The following SPATS2 variants were observed in gnomAD, a reference collection of about 807,000 sequenced individuals.
SPATS2 encodes spermatogenesis-associated serine-rich protein 2.
SPATS2 carries 38 observed loss-of-function variants against 63.7 expected under a neutral mutation model. The ratio of observed to expected loss-of-function variants is 0.60; its 90% CI spans 0.46 to 0.78. The LOEUF (loss-of-function observed/expected upper bound fraction) is 0.78, where lower values mean the gene tolerates loss of function less well. Among genes scored for constraint, SPATS2 ranks in the 30% least tolerant of loss-of-function variants. The pLI, the probability that SPATS2 is intolerant of heterozygous loss-of-function variation, is 0.00. For missense variants in SPATS2, 588 were observed against 666.2 expected (o/e 0.88, Z 1.29); for synonymous variants, 207 against 232.9 (o/e 0.89, Z 1.01).
At chr12:49,390,043 G>C in intron 2 of SPATS2, 1 of 987,692 alleles carries the variant, frequency 1.0e-6, no homozygotes, top group Non-Finnish European at 1.6e-6. Flanking sequence ...AAACAAAGGC[G>C]TTAGAGAGAT....
chr12:49,490,632 C>A, intron 5 of SPATS2, 50 bp from the exon 6 acceptor site: 1 of 1,538,990 alleles, frequency 6.5e-7, no homozygotes, highest in Non-Finnish European at 9.0e-7. Flanking sequence ...TCCTGCTTGA[C>A]TACTGTGTGT....
chr12:49,459,323 C>CATT (rs1356112991), intron 2 of SPATS2, among the ~76,000 whole-genome samples: 6 of 151,614 alleles, frequency 4.0e-5, no homozygotes, highest in South Asian at 2.1e-4. Context: ...CTTGCAAGAC[C>CATT]ATTATTATTA....
chr12:49,438,916 A>C (rs183209570), intron 2 of SPATS2, among the ~76,000 whole-genome samples: 174 of 152,308 alleles, frequency 1.1e-3, no homozygotes, highest in African/African-American at 4.0e-3. Flanking sequence ...GTCCTCATGG[A>C]GTCCAAGTTC....
At chr12:49,410,425 G>C (rs1252439305) in intron 2 of SPATS2, among the ~76,000 whole-genome samples, 1 of 152,096 alleles carries the variant, frequency 6.6e-6, no homozygotes, top group Admixed American at 6.6e-5. Flanking sequence ...AAAAAAAGTT[G>C]AATATACCCT....
chr12:49,427,074 T>A (rs963255438), intron 2 of SPATS2, among the ~76,000 whole-genome samples: 9 of 152,162 alleles, frequency 5.9e-5, no homozygotes, highest in Non-Finnish European at 1.2e-4. Flanking sequence ...TAAACAGATT[T>A]TTATACTCCC....
rs1002196971 is a variant in SPATS2 at position 49,526,652 on chromosome 12, T to G, written c.*397T>G. 18 of 188,298 alleles carry G rather than the reference T, an allele frequency of 9.6e-5. No homozygotes were observed. Among genetic ancestry groups the G allele is most frequent in the African/African-American group, 1.4e-4 (6 of 42,186 alleles). The allele number at this position is 188,298 out of a possible 1,614,324, so 11.7% of individuals were successfully genotyped here. Reference sequence around the variant, plus strand: ...CTGACAGGTTCCCTTCTAACAACTATTTGACCAAGAGAGGCAATCAGGGGG... The same window carrying G: ...CTGACAGGTTCCCTTCTAACAACTAGTTGACCAAGAGAGGCAATCAGGGGG... On this transcript the variant is annotated 3_prime_UTR_variant, in exon 14 of 14. Coordinates refer to ENST00000552918, the MANE Select transcript of SPATS2 (RefSeq NM_023071.4).
At chr12:49,450,923 C>T (rs1019892668) in intron 2 of SPATS2, among the ~76,000 whole-genome samples, 1 of 151,448 alleles carries the variant, frequency 6.6e-6, no homozygotes, top group African/African-American at 2.4e-5. Context: ...GGCTAGAGTG[C>T]AGTTACACGA....
At chr12:49,491,524 A>G (rs1436531598) in intron 6 of SPATS2, among the ~76,000 whole-genome samples, 1 of 152,088 alleles carries the variant, frequency 6.6e-6, no homozygotes, top group Non-Finnish European at 1.5e-5. Flanking sequence ...AGTCTGGGCA[A>G]CATGATGAAA....
At chr12:49,389,694 C>T (rs1203329657) in intron 2 of SPATS2, 2 of 1,542,066 alleles carry the variant, frequency 1.3e-6, no homozygotes, top group Admixed American at 1.7e-5. Flanking sequence ...GCAAGAACAT[C>T]GGCCACGGTC....
At chr12:49,524,353 G>C (rs1369919987) in intron 12 of SPATS2, among the ~76,000 whole-genome samples, 1 of 152,092 alleles carries the variant, frequency 6.6e-6, no homozygotes, top group African/African-American at 2.4e-5. Flanking sequence ...TTGTTCCCAG[G>C]CTTAGTCAGC....
chr12:49,473,071 A>T (rs968454124), intron 3 of SPATS2, among the ~76,000 whole-genome samples: 2 of 151,348 alleles, frequency 1.3e-5, no homozygotes, highest in African/African-American at 4.8e-5. Context: ...AAAAGACAAC[A>T]ACAACCACAA....
At chr12:49,489,763 T>G (rs1946353558) in intron 5 of SPATS2, among the ~76,000 whole-genome samples, 190 bp downstream of exon 5, 1 of 152,230 alleles carries the variant, frequency 6.6e-6, no homozygotes, top group Non-Finnish European at 1.5e-5. Flanking sequence ...TAATAAGAGA[T>G]AAGCTGAGAA....
chr12:49,368,685 A>G (rs1466470288), intron 1 of SPATS2, among the ~76,000 whole-genome samples: 1 of 152,178 alleles, frequency 6.6e-6, no homozygotes, highest in Non-Finnish European at 1.5e-5. Context: ...TGATTTGGGA[A>G]TATTGATTAT....
intron 3 of SPATS2, among the ~76,000 whole-genome samples, chr12:49,470,624 C>A (rs1946018821): frequency 6.6e-6 from 1 of 152,194 alleles, no homozygotes; most frequent in South Asian, 2.1e-4. Flanking sequence ...CATGTACCTT[C>A]TGGTTCTTAT....
chr12:49,370,092 G>C lies in SPATS2; in HGVS notation c.-306-1136G>C, dbSNP rs146348657. Among the ~76,000 whole-genome samples, 250 of 152,280 alleles carry C rather than the reference G, an allele frequency of 1.6e-3. 6 individuals carry two copies. The East Asian group carries it at 0.04, about 25-fold the overall frequency. On this transcript the variant is annotated intron_variant, in intron 1 of 13. Coordinates refer to ENST00000552918, the MANE Select transcript of SPATS2 (RefSeq NM_023071.4). Reference sequence around the variant, plus strand: ...AGACAGGAGGGAATTTTCGTTTGTTGAGCATTTATGTATTCCAGGCGCTGA... The same window carrying C: ...AGACAGGAGGGAATTTTCGTTTGTTCAGCATTTATGTATTCCAGGCGCTGA...
At chr12:49,375,186 GTGTGTGT>G (rs552677789) in intron 2 of SPATS2, among the ~76,000 whole-genome samples, 4,982 of 109,244 alleles carry the variant, frequency 0.046, 222 homozygotes, top group African/African-American at 0.13. Context: ...GTGTGTGTGT[GTGTGTGT>G]GTGGTGGTAG....
chr12:49,524,090 TA>T (rs1946990552), intron 12 of SPATS2, among the ~76,000 whole-genome samples: 1 of 152,162 alleles, frequency 6.6e-6, no homozygotes, highest in Non-Finnish European at 1.5e-5. Flanking sequence ...AAAATATTAA[TA>T]TTTTTTTCAG....
Position 49,482,656 on chromosome 12 carries a change from G to A in SPATS2, c.26-1934G>A, listed in dbSNP as rs151158748. Among the ~76,000 whole-genome samples the A allele has an allele frequency of 5.1e-4, 78 of 152,166 alleles. No individual in the cohort carries two copies. In the South Asian group the frequency reaches 0.012, roughly 24 times the overall value. Reference sequence around the variant, plus strand: ...ATTGCCCAATTTGAGTATGCCATTCGCTTCCTCTTTGGGATCTTGACTGAA... The same window carrying A: ...ATTGCCCAATTTGAGTATGCCATTCACTTCCTCTTTGGGATCTTGACTGAA... On this transcript the variant is annotated intron_variant, in intron 3 of 13. Coordinates refer to ENST00000552918, the MANE Select transcript of SPATS2 (RefSeq NM_023071.4).
Position 49,472,643 on chromosome 12 carries a change from T to C in SPATS2, c.25+11606T>C, listed in dbSNP as rs1158354260. Among the ~76,000 whole-genome samples the C allele has an allele frequency of 4.1e-5, 6 of 148,060 alleles. No individual in the cohort carries two copies. In the East Asian group the frequency reaches 1.2e-3, roughly 29 times the overall value. Reference sequence around the variant, plus strand: ...TATATATATATAAAATATTATATTATATTATTATATTATTCAGTCTCTTTA... The same window carrying C: ...TATATATATATAAAATATTATATTACATTATTATATTATTCAGTCTCTTTA... On this transcript the variant is annotated intron_variant, in intron 3 of 13. Coordinates refer to ENST00000552918, the MANE Select transcript of SPATS2 (RefSeq NM_023071.4).
Sources: gnomAD v4.1 joint callset for allele counts (sites outside exome capture counted in the v4.1 genomes callset) on GRCh38, gnomAD v4.1.1 for gene constraint, MANE v1.5 for transcripts, NCBI Gene and HGNC (gene_info 2026-07-23, HGNC 2026-07-21) for gene names.